Variants in ERBB4 observed in about 807,000 individuals in gnomAD.
ERBB4 encodes receptor tyrosine-protein kinase erbB-4.
ERBB4 carries 42 observed loss-of-function variants against 158.0 expected under a neutral mutation model. That is an observed-to-expected ratio of 0.27 (90% CI 0.21 to 0.34). The LOEUF is 0.34. Among genes scored for constraint, ERBB4 ranks in the 10% least tolerant of loss-of-function variants. ERBB4 has a pLI of 1.00. For synonymous variants in ERBB4, 583 were observed against 558.7 expected, an observed-to-expected ratio of 1.04 and a Z score of -0.61; for missense variants, 1,333 against 1,624.1, an observed-to-expected ratio of 0.82 and a Z score of 3.08.
chr2:211,398,528 T>G (rs1277258446), intron 25 of ERBB4, among the ~76,000 whole-genome samples: 4 of 152,148 alleles, frequency 2.6e-5, no homozygotes, highest in African/African-American at 9.7e-5. Flanking sequence ...CTAATACTCA[T>G]ACTTCCTTCC....
At chr2:211,905,681 T>TATATATATATATATAC (rs1480195605) in intron 3 of ERBB4, among the ~76,000 whole-genome samples, 3 of 110,670 alleles carry the variant, frequency 2.7e-5, no homozygotes, top group Admixed American at 8.8e-5. Flanking sequence ...TATATATATA[T>TATATATATATATATAC]ACACACATAT....
chr2:211,396,170 G>GAT lies in ERBB4; in HGVS notation c.3136-8180_3136-8179dup, dbSNP rs1004456980. Reference sequence around the variant, plus strand: ...TGTGTATGTGTGGATACATATGTTAGATATATATATGTGCATACACATGTA... The same window carrying GAT: ...TGTGTATGTGTGGATACATATGTTAGATATATATATATGTGCATACACATGTA... On this transcript the variant is annotated intron_variant, in intron 25 of 27. Coordinates refer to ENST00000342788, the MANE Select transcript of ERBB4 (RefSeq NM_005235.3). Among the ~76,000 whole-genome samples, 4 of 152,034 alleles carry GAT rather than the reference G, an allele frequency of 2.6e-5. No homozygotes were observed. In the East Asian group the frequency reaches 7.7e-4, roughly 29 times the overall value.
At chr2:211,909,820 T>C (rs912155706) in intron 3 of ERBB4, among the ~76,000 whole-genome samples, 1 of 151,896 alleles carries the variant, frequency 6.6e-6, no homozygotes, top group Non-Finnish European at 1.5e-5. Flanking sequence ...GAGGAGAAGA[T>C]AACTAAGATA....
At chr2:212,530,430 C>T (rs112261240) in intron 1 of ERBB4, among the ~76,000 whole-genome samples, 1 of 152,046 alleles carries the variant, frequency 6.6e-6, no homozygotes, top group Non-Finnish European at 1.5e-5. Flanking sequence ...TTCTTTAAGC[C>T]TACAGAGAAG....
chr2:211,881,086 T>C (rs1472894995), intron 3 of ERBB4, among the ~76,000 whole-genome samples: 1 of 152,064 alleles, frequency 6.6e-6, no homozygotes, highest in Non-Finnish European at 1.5e-5. Flanking sequence ...TTTAAACAAA[T>C]AGGACCAAGA....
intron 15 of ERBB4, among the ~76,000 whole-genome samples, chr2:211,662,366 C>A (rs1179975581): frequency 2.0e-5 from 3 of 152,066 alleles, no homozygotes; most frequent in African/African-American, 7.2e-5. Context: ...AATTTCAAAT[C>A]TGAACATCAT....
chr2:211,438,869 T>C (rs1212769151), intron 20 of ERBB4, among the ~76,000 whole-genome samples: 2 of 152,146 alleles, frequency 1.3e-5, no homozygotes, highest in Non-Finnish European at 2.9e-5. Context: ...GCTTAAGAAC[T>C]TAGATTTTGG....
intron 20 of ERBB4, among the ~76,000 whole-genome samples, chr2:211,553,736 C>T (rs1183826670): frequency 2.0e-5 from 3 of 152,164 alleles, no homozygotes; most frequent in South Asian, 2.1e-4. Flanking sequence ...TATTAAAGTT[C>T]GCACAGTTAG....
At chr2:212,143,885 GA>G (rs2080571144) in intron 1 of ERBB4, among the ~76,000 whole-genome samples, 1 of 151,982 alleles carries the variant, frequency 6.6e-6, no homozygotes, top group Non-Finnish European at 1.5e-5. Context: ...CATGTGTGGT[GA>G]CGCATGCCTG....
intron 1 of ERBB4, among the ~76,000 whole-genome samples, chr2:212,463,753 C>T (rs978263072): frequency 6.6e-6 from 1 of 152,052 alleles, no homozygotes; most frequent in Non-Finnish European, 1.5e-5. Context: ...CAGTTTCATT[C>T]GATTAGCTTC....
At chr2:211,699,869 A>G (rs1421957849) in intron 12 of ERBB4, among the ~76,000 whole-genome samples, 1 of 152,152 alleles carries the variant, frequency 6.6e-6, no homozygotes, top group Non-Finnish European at 1.5e-5. Context: ...ATAACATTAT[A>G]TAATTTATTG....
At chr2:212,239,515 T>C (rs2084006228) in intron 1 of ERBB4, among the ~76,000 whole-genome samples, 1 of 152,200 alleles carries the variant, frequency 6.6e-6, no homozygotes, top group African/African-American at 2.4e-5. Flanking sequence ...TTCCTAAAGC[T>C]ACTCCTGAAG....
intron 20 of ERBB4, among the ~76,000 whole-genome samples, chr2:211,476,559 T>TA (rs1317358340): frequency 8.1e-6 from 1 of 123,380 alleles, no homozygotes. Context: ...ATACTATAAA[T>TA]AAAAAATGAA....
At chr2:212,179,537 A>G (rs2081787796) in intron 1 of ERBB4, among the ~76,000 whole-genome samples, 1 of 151,592 alleles carries the variant, frequency 6.6e-6, no homozygotes, top group African/African-American at 2.4e-5. Flanking sequence ...CACGGAGTAG[A>G]AAAGATTACC....
At chr2:212,121,949 C>T (rs1293645003) in intron 2 of ERBB4, among the ~76,000 whole-genome samples, 1 of 151,876 alleles carries the variant, frequency 6.6e-6, no homozygotes, top group East Asian at 1.9e-4. Flanking sequence ...TTTAGATAAC[C>T]TAGCATGCAC....
chr2:212,021,239 AT>A (rs1048877678), intron 2 of ERBB4, among the ~76,000 whole-genome samples: 8 of 152,166 alleles, frequency 5.3e-5, no homozygotes, highest in African/African-American at 1.9e-4. Context: ...TATAATAATT[AT>A]TGTCTGATGC....
chr2:211,706,154 G>A (rs769634660), intron 9 of ERBB4, among the ~76,000 whole-genome samples: 1 of 151,946 alleles, frequency 6.6e-6, no homozygotes. Flanking sequence ...ACCATTTACA[G>A]AGAGATTAAA....
intron 5 of ERBB4, among the ~76,000 whole-genome samples, chr2:211,738,361 G>GTTTTTTTTT (rs10535592): frequency 9.6e-5 from 13 of 135,434 alleles, no homozygotes; most frequent in Admixed American, 1.6e-4. Flanking sequence ...CTTTGTTTTT[G>GTTTTTTTTT]TTTTTTTTTT....
intron 3 of ERBB4, among the ~76,000 whole-genome samples, chr2:211,788,637 A>C (rs2076219941): frequency 6.6e-6 from 1 of 152,104 alleles, no homozygotes; most frequent in South Asian, 2.1e-4. Context: ...TTTATCTCTC[A>C]TTGGTCTTTA....
Sources: gnomAD v4.1 joint callset for allele counts (sites outside exome capture counted in the v4.1 genomes callset) on GRCh38, gnomAD v4.1.1 for gene constraint, MANE v1.5 for transcripts, NCBI Gene and HGNC (gene_info 2026-07-23, HGNC 2026-07-21) for gene names.